The following MPZL3 variants were observed in gnomAD, a reference collection of about 807,000 sequenced individuals.
MPZL3 encodes myelin protein zero like 3.
Under a neutral mutation model 24.8 loss-of-function variants are expected in MPZL3, and 23 were observed. The observed-to-expected ratio is 0.93, with a 90% CI of 0.67 to 1.31. The LOEUF is 1.31. Ranked by LOEUF, MPZL3 falls within the 40% of genes most tolerant of loss-of-function variation. The probability of loss-of-function intolerance (pLI) is 0.00; values close to 1 mark genes in which losing one functional copy is unlikely to be tolerated. For missense variants in MPZL3, 277 were observed against 294.9 expected (o/e 0.94, Z 0.44); for synonymous variants, 99 against 106.5 (o/e 0.93, Z 0.44).
chr11:118,227,487 A>G lies in MPZL3; in HGVS notation c.*2407T>C, dbSNP rs973051311. 1 of 152,220 alleles carries G rather than the reference A, an allele frequency of 6.6e-6. No homozygotes were observed. The highest frequency in any genetic ancestry group is 1.5e-5 in the Non-Finnish European group (1 of 68,042). 9.4% of individuals were successfully genotyped at this position (152,220 alleles called of 1,614,324 possible). ...ATCCTTCGAAGAATAAAAAGCTGTA[A>G]CCCAAATCTCAGTATAAGGGATGAA... is the stretch of plus-strand genomic sequence containing the variant. On this transcript the variant is annotated 3_prime_UTR_variant, in exon 6 of 6. Transcript: ENST00000278949.
intron 1 of MPZL3, among the ~76,000 whole-genome samples, chr11:118,241,478 T>TA (rs1218167135): frequency 2.0e-5 from 3 of 152,204 alleles, no homozygotes; most frequent in African/African-American, 7.2e-5. Context: ...CTTAGTAAGT[T>TA]ACCGTACTTC....
intron 1 of MPZL3, among the ~76,000 whole-genome samples, chr11:118,251,412 C>A (rs983313652): frequency 1.3e-5 from 2 of 151,798 alleles, no homozygotes; most frequent in African/African-American, 4.8e-5. Flanking sequence ...ATAAATTTAG[C>A]AATTCACTCT....
intron 5 of MPZL3, among the ~76,000 whole-genome samples, chr11:118,232,202 T>A (rs529433245): frequency 1.5e-4 from 23 of 152,268 alleles, no homozygotes; most frequent in African/African-American, 5.3e-4. Context: ...ACCAGTCACT[T>A]CTTCTGCCTG....
Position 118,237,186 on chromosome 11 carries a change from A to G in MPZL3, c.315T>C (p.Asn105=). The G allele has an allele frequency of 6.2e-7, 1 of 1,614,096 alleles. No individual in the cohort carries two copies. Among genetic ancestry groups the G allele is most frequent in the Non-Finnish European group, 8.5e-7 (1 of 1,179,974 alleles). ...TFRDRISWVG[N]VYKGDASISI... is the part of the protein sequence containing the mutation. ...TTATAGATGCATCCCCTTTGTATAC[A>G]TTTCCAACCCAGGAAATCCGATCCC... is the stretch of plus-strand genomic sequence containing the variant. Residue 105 remains asparagine, a synonymous_variant, in exon 3 of 6, where the codon AAT becomes AAC. Coordinates refer to ENST00000278949, the MANE Select transcript of MPZL3 (RefSeq NM_198275.3).
chr11:118,244,857 A>G (rs1949539692), intron 1 of MPZL3, among the ~76,000 whole-genome samples: 1 of 152,182 alleles, frequency 6.6e-6, no homozygotes, highest in Non-Finnish European at 1.5e-5. Context: ...CGGGTGGATC[A>G]CGAGTTCAGG....
In MPZL3 at chr11:118,252,324, T is replaced by C. The variant is rs749368296; in HGVS notation, c.-30A>G. On this transcript the variant is annotated 5_prime_UTR_variant, in exon 1 of 6. Coordinates refer to ENST00000278949, the MANE Select transcript of MPZL3 (RefSeq NM_198275.3). ...GCAGCTCTTCAGATGCTTGCACACC[T>C]TGTTTACAGCTCCCGGTAACGACAC... 1.4e-5 allele frequency: 23 copies of C among 1,607,814 alleles called. No homozygotes were observed. Among genetic ancestry groups the C allele is most frequent in the Non-Finnish European group, 2.0e-5 (23 of 1,175,126 alleles).
chr11:118,233,340 A>T, intron 5 of MPZL3, 120 bp downstream of exon 5: 2 of 1,079,268 alleles, frequency 1.9e-6, no homozygotes, highest in South Asian at 1.3e-5. Context: ...ATGCTGGTTC[A>T]TATCTTGCTT....
intron 5 of MPZL3, among the ~76,000 whole-genome samples, chr11:118,232,723 C>T (rs1219939505): frequency 1.3e-5 from 2 of 152,192 alleles, no homozygotes; most frequent in African/African-American, 4.8e-5. Context: ...CCCTATGATA[C>T]TCAAGTGCAT....
intron 3 of MPZL3, 91 bp downstream of exon 3, chr11:118,236,959 G>T: frequency 8.5e-7 from 1 of 1,178,150 alleles, no homozygotes; most frequent in Non-Finnish European, 1.2e-6. Flanking sequence ...GGCTTACAAA[G>T]ATAGACAGCT....
intron 1 of MPZL3, among the ~76,000 whole-genome samples, chr11:118,242,818 C>A (rs1949513481): frequency 6.6e-6 from 1 of 152,172 alleles, no homozygotes. Context: ...GGCACAGATG[C>A]CATCGATTGC....
intron 1 of MPZL3, among the ~76,000 whole-genome samples, chr11:118,247,830 C>T (rs1219192185): frequency 3.9e-5 from 6 of 152,090 alleles, no homozygotes; most frequent in Non-Finnish European, 8.8e-5. Flanking sequence ...CAAACTTATT[C>T]CTCTTTCAAG....
chr11:118,237,590 T>C (rs1169171777), intron 2 of MPZL3, among the ~76,000 whole-genome samples: 1 of 152,088 alleles, frequency 6.6e-6, no homozygotes, highest in Admixed American at 6.5e-5. Flanking sequence ...ACTGGGGAGA[T>C]GCTACCGGCA....
intron 1 of MPZL3, among the ~76,000 whole-genome samples, chr11:118,244,053 A>T (rs1490912302): frequency 6.6e-6 from 1 of 152,134 alleles, no homozygotes; most frequent in Non-Finnish European, 1.5e-5. Context: ...GGCATCATAT[A>T]TCTTAAAATT....
chr11:118,245,831 A>T (rs2134714256), intron 1 of MPZL3, among the ~76,000 whole-genome samples: 1 of 152,324 alleles, frequency 6.6e-6, no homozygotes, highest in African/African-American at 2.4e-5. Context: ...TTTAAAACAA[A>T]GTTTTATTAG....
chr11:118,251,243 G>C (rs1041395445), intron 1 of MPZL3, among the ~76,000 whole-genome samples: 2 of 151,982 alleles, frequency 1.3e-5, no homozygotes, highest in Non-Finnish European at 2.9e-5. Flanking sequence ...GGGAGGGATC[G>C]GGGGTGTGCT....
At chr11:118,240,783 A>ACACT (rs1418485892) in intron 1 of MPZL3, among the ~76,000 whole-genome samples, 2,885 of 139,994 alleles carry the variant, frequency 0.021, 55 homozygotes, top group African/African-American at 0.025. Flanking sequence ...ACACACACAC[A>ACACT]CTCTGGGAAT....
chr11:118,231,521 C>T (rs2134693264), intron 5 of MPZL3, among the ~76,000 whole-genome samples: 1 of 152,148 alleles, frequency 6.6e-6, no homozygotes, highest in Non-Finnish European at 1.5e-5. Context: ...CAGTCTAGAC[C>T]TCTCTTCTCA....
intron 1 of MPZL3, among the ~76,000 whole-genome samples, chr11:118,249,808 T>A (rs1949598810): frequency 6.6e-6 from 1 of 152,074 alleles, no homozygotes; most frequent in Non-Finnish European, 1.5e-5. Flanking sequence ...TTAAGGAGAA[T>A]TCAAATAATC....
At chr11:118,250,506 A>T (rs949180494) in intron 1 of MPZL3, among the ~76,000 whole-genome samples, 6 of 152,182 alleles carry the variant, frequency 3.9e-5, no homozygotes, top group African/African-American at 1.4e-4. Flanking sequence ...AAAACCATTC[A>T]ATTATGCCCT....
Sources: allele counts gnomAD v4.1 joint callset (sites outside exome capture counted in the v4.1 genomes callset), GRCh38; gene constraint gnomAD v4.1.1; transcripts MANE v1.5; gene names NCBI Gene and HGNC (gene_info 2026-07-23, HGNC 2026-07-21).